CACNB2: variants seen among roughly 807,000 people sequenced by gnomAD.
CACNB2 encodes the protein calcium voltage-gated channel auxiliary subunit beta 2, also known as voltage-dependent L-type calcium channel subunit beta-2.
Under a neutral mutation model 73.3 loss-of-function variants are expected in CACNB2, and 42 were observed. That is an observed-to-expected ratio of 0.57 (90% CI 0.45 to 0.74). The LOEUF is 0.74. Among genes scored for constraint, CACNB2 ranks in the 30% least tolerant of loss-of-function variants. CACNB2 has a pLI of 0.00. For missense variants in CACNB2, 940 were observed against 853.0 expected (o/e 1.10, Z -1.27); for synonymous variants, 348 against 310.3 (o/e 1.12, Z -1.28).
At chr10:18,372,121 A>G (rs1005582501) in intron 2 of CACNB2, among the ~76,000 whole-genome samples, 24 of 152,144 alleles carry the variant, frequency 1.6e-4, no homozygotes, top group African/African-American at 5.6e-4. Context: ...TCAGATGAGT[A>G]GATTGCAAAA....
intron 2 of CACNB2, among the ~76,000 whole-genome samples, chr10:18,183,914 A>C (rs1757208): frequency 6.6e-6 from 1 of 151,700 alleles, no homozygotes; most frequent in East Asian, 1.9e-4. Flanking sequence ...CTGCAAGCCC[A>C]GGAGAGTTAC....
At chr10:18,141,786 T>C (rs2030440964) in intron 1 of CACNB2, among the ~76,000 whole-genome samples, 1 of 152,176 alleles carries the variant, frequency 6.6e-6, no homozygotes, top group Admixed American at 6.5e-5. Context: ...TTCAGACTCC[T>C]AGCTGCGGGC....
intron 2 of CACNB2, among the ~76,000 whole-genome samples, chr10:18,362,619 A>G (rs11013845): frequency 0.054 from 8,167 of 152,284 alleles, 297 homozygotes; most frequent in Admixed American, 0.12. Context: ...TAACGTGTTA[A>G]AAGTCCATAA....
chr10:18,499,805 T>TACAA (rs756799139), intron 4 of CACNB2, among the ~76,000 whole-genome samples: 62 of 117,782 alleles, frequency 5.3e-4, no homozygotes, highest in African/African-American at 1.2e-3. Context: ...ACCCCATCTC[T>TACAA]AAAAAAAAAA....
At chr10:18,192,130 G>A (rs2131270778) in intron 2 of CACNB2, among the ~76,000 whole-genome samples, 1 of 151,888 alleles carries the variant, frequency 6.6e-6, no homozygotes, top group Non-Finnish European at 1.5e-5. Context: ...AAATGCAGAG[G>A]CAACAAGAAC....
At chr10:18,323,270 T>G (rs1283493504) in intron 2 of CACNB2, among the ~76,000 whole-genome samples, 2 of 152,118 alleles carry the variant, frequency 1.3e-5, no homozygotes, top group Admixed American at 6.6e-5. Context: ...CTCCTTGTTT[T>G]TCTTTATTAT....
intron 3 of CACNB2, among the ~76,000 whole-genome samples, chr10:18,470,440 G>C (rs185114229): frequency 3.3e-5 from 5 of 149,658 alleles, no homozygotes. Flanking sequence ...TATTATATGT[G>C]GTATATATTA....
At chr10:18,459,759 C>A (rs952091810) in intron 3 of CACNB2, among the ~76,000 whole-genome samples, 9 of 152,196 alleles carry the variant, frequency 5.9e-5, no homozygotes, top group Admixed American at 5.2e-4. Flanking sequence ...GTAATCCCAG[C>A]ACTTTGGAAG....
At chr10:18,332,793 ATTAGTTAGAT>A in intron 2 of CACNB2, among the ~76,000 whole-genome samples, 1 of 152,358 alleles carries the variant, frequency 6.6e-6, no homozygotes, top group Admixed American at 6.5e-5. Context: ...AATACATTGA[ATTAGTTAGAT>A]TCATTTAACT....
intron 2 of CACNB2, among the ~76,000 whole-genome samples, chr10:18,262,489 A>G (rs1337180586): frequency 6.6e-6 from 1 of 152,168 alleles, no homozygotes; most frequent in Non-Finnish European, 1.5e-5. Flanking sequence ...TCAGAAATCA[A>G]TGGAGGAGTC....
intron 3 of CACNB2, among the ~76,000 whole-genome samples, chr10:18,475,287 A>G (rs2048384285): frequency 6.6e-6 from 1 of 152,056 alleles, no homozygotes; most frequent in African/African-American, 2.4e-5. Context: ...CGATTAAGTC[A>G]GTCTCCAACC....
intron 2 of CACNB2, among the ~76,000 whole-genome samples, chr10:18,221,903 C>G (rs2035808104): frequency 6.6e-6 from 1 of 152,132 alleles, no homozygotes; most frequent in African/African-American, 2.4e-5. Context: ...TGGAAAGTAG[C>G]ATTGGCCCAA....
intron 2 of CACNB2, among the ~76,000 whole-genome samples, chr10:18,289,204 A>G (rs967511813): frequency 4.6e-5 from 7 of 150,566 alleles, no homozygotes; most frequent in African/African-American, 1.5e-4. Flanking sequence ...TACTGCCTCT[A>G]CCCCCGACCC....
chr10:18,238,715 A>G (rs974799343), intron 2 of CACNB2, among the ~76,000 whole-genome samples: 5 of 152,218 alleles, frequency 3.3e-5, no homozygotes, highest in Admixed American at 2.0e-4. Flanking sequence ...CTTATTTGCC[A>G]GAGTAGCTTC....
intron 2 of CACNB2, among the ~76,000 whole-genome samples, chr10:18,397,324 G>A (rs950419544): frequency 2.6e-5 from 4 of 152,098 alleles, no homozygotes; most frequent in Non-Finnish European, 5.9e-5. Flanking sequence ...AATTAGCCGG[G>A]CCTGGTGGCG....
At chr10:18,497,846 T>G (rs1222883685) in intron 3 of CACNB2, among the ~76,000 whole-genome samples, 1 of 152,262 alleles carries the variant, frequency 6.6e-6, no homozygotes, top group African/African-American at 2.4e-5. Flanking sequence ...TCATAATTCG[T>G]TGCAGCCATG....
chr10:18,465,814 T>C (rs1406629457), intron 3 of CACNB2, among the ~76,000 whole-genome samples: 2 of 152,070 alleles, frequency 1.3e-5, no homozygotes, highest in African/African-American at 2.4e-5. Context: ...CCCGAGTAGC[T>C]GGGATTACAG....
chr10:18,259,570 A>AAAAAAAAAAAAAAGAAAAC (rs1554779378), intron 2 of CACNB2, among the ~76,000 whole-genome samples: 1 of 116,954 alleles, frequency 8.6e-6, no homozygotes, highest in African/African-American at 3.3e-5. Context: ...CAAACAAAAA[A>AAAAAAAAAAAAAAGAAAAC]AAAAAGTAAA....
intron 2 of CACNB2, among the ~76,000 whole-genome samples, chr10:18,373,860 C>G (rs1222357510): frequency 6.6e-6 from 1 of 152,158 alleles, no homozygotes; most frequent in Non-Finnish European, 1.5e-5. Flanking sequence ...CTCTCCAAGA[C>G]AATACTGATT....
Sources: gnomAD v4.1 joint callset for allele counts (sites outside exome capture counted in the v4.1 genomes callset) on GRCh38, gnomAD v4.1.1 for gene constraint, MANE v1.5 for transcripts, NCBI Gene and HGNC (gene_info 2026-07-23, HGNC 2026-07-21) for gene names.